Variants in PPP1R12A observed in about 807,000 individuals in gnomAD.
PPP1R12A encodes myosin binding subunit.
A neutral mutation model predicts 139.6 loss-of-function variants in PPP1R12A; 19 were observed. The ratio of observed to expected loss-of-function variants is 0.14; its 90% confidence interval spans 0.09 to 0.20. The LOEUF (loss-of-function observed/expected upper bound fraction) is 0.20, where lower values mean the gene tolerates loss of function less well. Among genes scored for constraint, PPP1R12A ranks in the 10% least tolerant of loss-of-function variants. PPP1R12A has a pLI of 1.00. For missense variants in PPP1R12A, 925 were observed against 1,211.5 expected (o/e 0.76, Z 3.51); for synonymous variants, 427 against 420.6 (o/e 1.02, Z -0.19).
chr12:79,791,330 T>G (rs1157784157), intron 19 of PPP1R12A, among the ~76,000 whole-genome samples: 1 of 152,164 alleles, frequency 6.6e-6, no homozygotes, highest in East Asian at 1.9e-4. Flanking sequence ...TATCACTGAT[T>G]ATTATTACTA....
At chr12:79,904,184 C>G (rs2137488724) in intron 1 of PPP1R12A, among the ~76,000 whole-genome samples, 1 of 151,692 alleles carries the variant, frequency 6.6e-6, no homozygotes, top group East Asian at 1.9e-4. Context: ...CACTGCACTC[C>G]AGCCTGGGTG....
In PPP1R12A at chr12:79,934,759, T is replaced by A. The variant is rs1188367012; in HGVS notation, c.173A>T (p.Lys58Met). The change falls in exon 1 of 25, where the codon AAG becomes ATG. Residue 58 changes from lysine to methionine, a missense_variant. By Grantham distance (95) the Lys-to-Met change is moderately conservative. Coordinates refer to ENST00000450142, the MANE Select transcript of PPP1R12A (RefSeq NM_002480.3). ...CSSGDTDEVL[K>M]LLHRGADINY... The stretch of plus-strand genomic sequence containing the variant: ...GATGTCGGCGCCGCGGTGCAGCAGC[T>A]TGAGGACCTCGTCCGTGTCGCCGCT... 1.9e-6 allele frequency: 3 copies of A among 1,551,990 alleles called. No homozygotes were observed. The South Asian group carries it at 3.6e-5, about 18-fold the overall frequency.
chr12:79,807,035 A>G, intron 12 of PPP1R12A, 191 bp downstream of exon 12: 2 of 407,572 alleles, frequency 4.9e-6, no homozygotes, highest in Non-Finnish European at 8.7e-6. Context: ...TAATTATATA[A>G]TAGGCATAAC....
intron 2 of PPP1R12A, among the ~76,000 whole-genome samples, chr12:79,867,833 T>C (rs1257854916): frequency 6.6e-6 from 1 of 152,116 alleles, no homozygotes; most frequent in Admixed American, 6.6e-5. Context: ...TATAAAGGGC[T>C]TTCCCCCCTT....
Position 79,833,729 on chromosome 12 carries a change from TG to T in PPP1R12A, c.488-1239del, listed in dbSNP as rs201341335. 1.5e-3 allele frequency among the ~76,000 whole-genome samples: 231 copies of T among 150,284 alleles called. 3 individuals carry two copies. In the East Asian group the frequency reaches 0.038, roughly 25 times the overall value. On this transcript the variant is annotated intron_variant, in intron 3 of 24. Transcript: ENST00000450142. ...GCAGGTGCCTGTAGTCCCAGCTACT[TG>T]GGAGGCTGAGTCAGGAGAACTACTT...
chr12:79,855,124 G>A (rs1391083629), intron 2 of PPP1R12A, among the ~76,000 whole-genome samples: 1 of 151,956 alleles, frequency 6.6e-6, no homozygotes, highest in Non-Finnish European at 1.5e-5. Context: ...GAGTAGCTGG[G>A]ACTACAGGCG....
chr12:79,789,778 C>CTTT, intron 20 of PPP1R12A: 8 of 314,948 alleles, frequency 2.5e-5, no homozygotes, highest in East Asian at 9.6e-5. Flanking sequence ...TTAGGTGACA[C>CTTT]TTTTTTTTTT....
chr12:79,931,189 A>G (rs1271823949), intron 1 of PPP1R12A, among the ~76,000 whole-genome samples: 1 of 152,254 alleles, frequency 6.6e-6, no homozygotes, highest in Non-Finnish European at 1.5e-5. Context: ...AATTGCAACT[A>G]TGAAAATCTA....
intron 1 of PPP1R12A, among the ~76,000 whole-genome samples, chr12:79,903,321 T>C (rs1445218064): frequency 6.6e-6 from 1 of 151,734 alleles, no homozygotes; most frequent in Non-Finnish European, 1.5e-5. Context: ...TGTGGTGGCA[T>C]GTGCCTGTAA....
chr12:79,795,630 G>A lies in PPP1R12A; in HGVS notation c.2583+8C>T. 1 of 1,606,330 alleles carries A rather than the reference G, an allele frequency of 6.2e-7. No homozygotes were observed. The highest frequency in any genetic ancestry group is 8.5e-7 in the Non-Finnish European group (1 of 1,177,278). On this transcript the variant is annotated splice_region_variant and intron_variant, in intron 18 of 24. Transcript: ENST00000450142. ...ACTATCAAATAATGTATTTTAATAG[G>A]TTCTCACATCTTGTGTCCAAAATGA...
chr12:79,826,142 T>C (rs1050878382), intron 5 of PPP1R12A, among the ~76,000 whole-genome samples: 1 of 151,998 alleles, frequency 6.6e-6, no homozygotes, highest in African/African-American at 2.4e-5. Flanking sequence ...AAAGAAGTTA[T>C]AGAGGAACTT....
At chr12:79,870,321 G>T (rs1335156047) in intron 2 of PPP1R12A, among the ~76,000 whole-genome samples, 7 of 151,934 alleles carry the variant, frequency 4.6e-5, no homozygotes, top group Admixed American at 4.6e-4. Context: ...TTGTCATGTT[G>T]CCCAGGCTGG....
intron 3 of PPP1R12A, among the ~76,000 whole-genome samples, chr12:79,841,044 T>C (rs1239109448): frequency 6.6e-6 from 1 of 150,502 alleles, no homozygotes; most frequent in African/African-American, 2.5e-5. Context: ...TCCAATTCCT[T>C]TTTATTTAAA....
At position 79,775,283 on chromosome 12, in the gene PPP1R12A, T is replaced by A. The variant is rs1869608591; in HGVS notation, c.*646A>T. 6.6e-6 allele frequency: 1 copy of A among 152,526 alleles called. No homozygotes were observed. Among genetic ancestry groups the A allele is most frequent in the Admixed American group, 6.6e-5 (1 of 15,264 alleles). The allele number at this position is 152,526 out of a possible 1,614,324, so 9.4% of individuals were successfully genotyped here. A position where few individuals can be genotyped will look rare whatever the true frequency, so the allele number is the denominator to read the frequency against. On this transcript the variant is annotated 3_prime_UTR_variant, in exon 25 of 25. Coordinates refer to ENST00000450142, the MANE Select transcript of PPP1R12A (RefSeq NM_002480.3). ...GCATATTGCACAAACAGTGAAAGCA[T>A]ATGTTCCACCAAGCAATTCAGTTCC... is the stretch of plus-strand genomic sequence containing the variant.
chr12:79,774,876 T>C lies in PPP1R12A; in HGVS notation c.*1053A>G, dbSNP rs1214695208. ...CAACTTTAATTATGGTTGAGTACTA[T>C]CAAGTGAAAACTGAAAATAAAAGCA... On this transcript the variant is annotated 3_prime_UTR_variant, in exon 25 of 25. Transcript: ENST00000450142. The C allele has an allele frequency of 2.0e-5, 3 of 152,352 alleles. No individual in the cohort carries two copies. Among genetic ancestry groups the C allele is most frequent in the African/African-American group, 7.2e-5 (3 of 41,416 alleles). The allele number at this position is 152,352 out of a possible 1,614,324, so 9.4% of individuals were successfully genotyped here. A position where few individuals can be genotyped will look rare whatever the true frequency, so the allele number is the denominator to read the frequency against.
intron 7 of PPP1R12A, 31 bp from the exon 8 acceptor site, chr12:79,820,962 A>T (rs1876027395): frequency 6.2e-7 from 1 of 1,609,988 alleles, no homozygotes; most frequent in Non-Finnish European, 8.5e-7. Context: ...TCAAATGATT[A>T]GAAATACAAA....
At chr12:79,794,766 A>G (rs1035928914) in intron 18 of PPP1R12A, among the ~76,000 whole-genome samples, 12 of 35,136 alleles carry the variant, frequency 3.4e-4, no homozygotes, top group Admixed American at 2.0e-3. Context: ...CAGTGAAAGA[A>G]TAGTTAGAAA....
chr12:79,928,463 G>A (rs773813760), intron 1 of PPP1R12A, among the ~76,000 whole-genome samples: 2 of 152,136 alleles, frequency 1.3e-5, no homozygotes, highest in Non-Finnish European at 2.9e-5. Context: ...TGTTTAGGTA[G>A]GTTTTTAAAA....
intron 23 of PPP1R12A, 22 bp downstream of exon 23, chr12:79,781,793 A>G: frequency 2.1e-6 from 3 of 1,411,326 alleles, no homozygotes; most frequent in Non-Finnish European, 2.9e-6. Context: ...AAAAATAATT[A>G]TTTAATAAGT....
Sources: allele counts gnomAD v4.1 joint callset (sites outside exome capture counted in the v4.1 genomes callset), GRCh38; gene constraint gnomAD v4.1.1; transcripts MANE v1.5; gene names NCBI Gene and HGNC (gene_info 2026-07-23, HGNC 2026-07-21).